The following CACNA1C variants were observed in gnomAD, a reference collection of about 807,000 sequenced individuals.
The protein encoded by CACNA1C is calcium voltage-gated channel subunit alpha1 C, also known as voltage-dependent L-type calcium channel subunit alpha-1C.
In CACNA1C, 30 loss-of-function variants were observed where a neutral mutation model predicts 229.0. The ratio of observed to expected loss-of-function variants is 0.13; its 90% CI spans 0.10 to 0.18. The LOEUF (loss-of-function observed/expected upper bound fraction) is 0.18. CACNA1C is among the 10% of genes least tolerant of loss of function. The pLI is 1.00. For synonymous variants in CACNA1C, 1,114 were observed against 1,132.5 expected, an observed-to-expected ratio of 0.98 and a Z score of 0.33; for missense variants, 1,658 against 2,845.0, an observed-to-expected ratio of 0.58 and a Z score of 9.49.
chr12:2,036,846 A>T (rs914136379), intron 1 of CACNA1C, among the ~76,000 whole-genome samples: 12 of 152,164 alleles, frequency 7.9e-5, no homozygotes, highest in African/African-American at 2.9e-4. Context: ...TAGTGACCAG[A>T]TGAGGAAATG....
chr12:2,093,330 T>C (rs1423592305), intron 1 of CACNA1C, among the ~76,000 whole-genome samples: 1 of 152,206 alleles, frequency 6.6e-6, no homozygotes, highest in Non-Finnish European at 1.5e-5. Flanking sequence ...CTGGTAGGCC[T>C]GCACCCTGAT....
In CACNA1C at chr12:2,486,993, C is replaced by T. The variant is rs530652996; in HGVS notation, c.916+731C>T. 1.3e-5 allele frequency among the ~76,000 whole-genome samples: 2 copies of T among 152,318 alleles called. No individual in the cohort carries two copies. The highest frequency in any genetic ancestry group is 2.1e-4 in the South Asian group (1 of 4,828). On this transcript the variant is annotated intron_variant, in intron 6 of 46. Transcript: ENST00000399655. This position sits in a 1 kb window ranked among gnomAD's most constrained non-coding sequence, Gnocchi z 4.9. ...TGCTGGCTCATTAGGCGCTTCCCTG[C>T]GTGGCACTGGAGTTTTGGCTTGCAG...
chr12:2,511,442 C>T (rs2099783602), intron 8 of CACNA1C, among the ~76,000 whole-genome samples: 1 of 152,196 alleles, frequency 6.6e-6, no homozygotes, highest in African/African-American at 2.4e-5. Context: ...TGGTGCCTTT[C>T]CTAGAGTGTG....
intron 3 of CACNA1C, among the ~76,000 whole-genome samples, chr12:2,423,691 C>T (rs1475788888): frequency 2.6e-5 from 4 of 152,170 alleles, no homozygotes; most frequent in Non-Finnish European, 5.9e-5. Context: ...ACTGACCCCA[C>T]AGTCTGTATG....
At chr12:2,154,452 C>T (rs11609957) in intron 3 of CACNA1C, among the ~76,000 whole-genome samples, 2,044 of 152,322 alleles carry the variant, frequency 0.013, 34 homozygotes, top group South Asian at 0.039. Flanking sequence ...CAGCTGTGTC[C>T]AGCAGCCTGG....
intron 3 of CACNA1C, among the ~76,000 whole-genome samples, chr12:2,376,905 C>A (rs2154543721): frequency 6.6e-6 from 1 of 152,336 alleles, no homozygotes; most frequent in South Asian, 2.1e-4. Flanking sequence ...AGCATGCTCG[C>A]TACGCCCACT....
chr12:2,680,389 G>C (rs368404582), intron 42 of CACNA1C: 14 of 1,558,204 alleles, frequency 9.0e-6, no homozygotes, highest in Non-Finnish European at 1.2e-5. Context: ...ATGCTGGATG[G>C]TGGGACCTTC....
At chr12:2,008,373 C>T (rs1565909626) in intron 1 of CACNA1C, among the ~76,000 whole-genome samples, 1 of 151,980 alleles carries the variant, frequency 6.6e-6, no homozygotes, top group East Asian at 1.9e-4. Context: ...TGGGGTCTCA[C>T]TATGTTGCTC....
chr12:2,639,232 G>A lies in CACNA1C; in HGVS notation c.3912+4852G>A, dbSNP rs1011851187. Among the ~76,000 whole-genome samples the A allele has an allele frequency of 2.6e-5, 4 of 152,182 alleles. No homozygotes were observed. Among genetic ancestry groups the A allele is most frequent in the African/African-American group, 4.8e-5 (2 of 41,450 alleles). ...CTCTGTGAGCCGGGGAGGTAAGAGT[G>A]CGATGTCCTGCTGCTCTAGGGAAGC... On this transcript the variant is annotated intron_variant, in intron 30 of 46. Coordinates refer to ENST00000399655, the MANE Select transcript of CACNA1C (RefSeq NM_000719.7). The surrounding 1 kb of genome is among the most constrained non-coding windows in gnomAD (Gnocchi z 4.2).
At chr12:2,038,298 G>A (rs998432291) in intron 1 of CACNA1C, among the ~76,000 whole-genome samples, 3 of 152,216 alleles carry the variant, frequency 2.0e-5, no homozygotes, top group Non-Finnish European at 4.4e-5. Context: ...TTCGAGTCAC[G>A]GTGGCACTCT....
At position 2,679,879 on chromosome 12, in the gene CACNA1C, C is replaced by G; in HGVS notation, c.5444+83C>G. On this transcript the variant is annotated intron_variant, in intron 42 of 46. Coordinates refer to ENST00000399655, the MANE Select transcript of CACNA1C (RefSeq NM_000719.7). This position sits in a 1 kb window ranked among gnomAD's most constrained non-coding sequence, Gnocchi z 5.5. ...AGGAGACAGTGGAGGAGACGGAGGCCTCGGCCAGCCACTTGTCCCTCAAGC... is the reference window on the plus strand; with the variant it reads ...AGGAGACAGTGGAGGAGACGGAGGCGTCGGCCAGCCACTTGTCCCTCAAGC... The G allele has an allele frequency of 1.0e-6, 1 of 993,552 alleles. No homozygotes were observed. The highest frequency in any genetic ancestry group is 1.6e-5 in the African/African-American group (1 of 61,724). 61.5% of individuals were successfully genotyped at this position (993,552 alleles called of 1,614,324 possible).
At chr12:2,169,880 G>A (rs902228082) in intron 3 of CACNA1C, among the ~76,000 whole-genome samples, 15 of 152,208 alleles carry the variant, frequency 9.9e-5, no homozygotes, top group African/African-American at 3.1e-4. Context: ...GTTAGAACAG[G>A]TTGATTGAGG....
In CACNA1C at chr12:2,061,130, C is replaced by CTTT. The variant is rs34246535; in HGVS notation, c.49+7530_49+7532dup. ...TGAGAGTTCAGAAGGAATCAAATCCCTTTTTTTTTTTTTGTCTGTAAAGTG... is the reference window on the plus strand; with the variant it reads ...TGAGAGTTCAGAAGGAATCAAATCCCTTTTTTTTTTTTTTTTGTCTGTAAAGTG... On this transcript the variant is annotated intron_variant, in intron 1 of 46. Transcript: ENST00000399655. Among the ~76,000 whole-genome samples the CTTT allele has an allele frequency of 5.6e-4, 83 of 146,904 alleles. 1 individual carries two copies. Among genetic ancestry groups the CTTT allele is most frequent in the East Asian group, 4.2e-3 (21 of 5,010 alleles).
At chr12:2,198,287 G>A (rs573610302) in intron 3 of CACNA1C, among the ~76,000 whole-genome samples, 112 of 152,288 alleles carry the variant, frequency 7.4e-4, no homozygotes, top group African/African-American at 2.7e-3. Flanking sequence ...AGCTCTGCCT[G>A]CCTCTCTCCC....
At chr12:2,246,437 T>C (rs2073255813) in intron 3 of CACNA1C, among the ~76,000 whole-genome samples, 1 of 152,144 alleles carries the variant, frequency 6.6e-6, no homozygotes, top group African/African-American at 2.4e-5. Flanking sequence ...CAGGCTTTCC[T>C]TATCCCACTG....
chr12:2,641,734 C>G (rs1250018812), intron 30 of CACNA1C: 1 of 702,540 alleles, frequency 1.4e-6, no homozygotes, highest in Non-Finnish European at 2.6e-6. Context: ...GCTCAACCTG[C>G]AGGTGGAATG....
chr12:2,374,433 G>A (rs974445695), intron 3 of CACNA1C, among the ~76,000 whole-genome samples: 6 of 152,162 alleles, frequency 3.9e-5, no homozygotes, highest in Non-Finnish European at 7.3e-5. Flanking sequence ...GTTATTGTTC[G>A]TAACTCAATA....
At chr12:2,545,032 C>T (rs1158596462) in intron 9 of CACNA1C, among the ~76,000 whole-genome samples, 1 of 152,140 alleles carries the variant, frequency 6.6e-6, no homozygotes, top group Non-Finnish European at 1.5e-5. Context: ...GTGATCATGA[C>T]CTTTTTTGGT....
rs75215041 is a variant in CACNA1C at position 2,197,862 on chromosome 12, G to A, written c.477+77432G>A. On this transcript the variant is annotated intron_variant, in intron 3 of 46. Coordinates refer to ENST00000399655, the MANE Select transcript of CACNA1C (RefSeq NM_000719.7). ...CTTCTGAAAATAAGCACCTACTGATGGGTTCAGTGCAGAAATGAACCCAGG... is the reference window on the plus strand; with the variant it reads ...CTTCTGAAAATAAGCACCTACTGATAGGTTCAGTGCAGAAATGAACCCAGG... 8.5e-3 allele frequency among the ~76,000 whole-genome samples: 1,287 copies of A among 152,242 alleles called. 13 individuals are homozygous for A. The highest frequency in any genetic ancestry group is 0.029 in the African/African-American group (1,205 of 41,534).
Sources: gnomAD v4.1 joint callset for allele counts (sites outside exome capture counted in the v4.1 genomes callset) on GRCh38, gnomAD v4.1.1 for gene constraint, Gnocchi (gnomAD v3.1) non-coding constraint, MANE v1.5 for transcripts, NCBI Gene and HGNC (gene_info 2026-07-23, HGNC 2026-07-21) for gene names.